POLN: variants seen among roughly 807,000 people sequenced by gnomAD.
POLN encodes the protein DNA polymerase N.
In POLN, 108 loss-of-function variants were observed where a neutral mutation model predicts 113.5. The ratio of observed to expected loss-of-function variants is 0.95; its 90% CI spans 0.81 to 1.12. The LOEUF is 1.12. POLN is among the 50% of genes most tolerant of loss of function. The pLI is 0.00. For synonymous variants in POLN, 386 were observed against 391.5 expected, an observed-to-expected ratio of 0.99 and a Z score of 0.17; for missense variants, 1,097 against 1,077.1, an observed-to-expected ratio of 1.02 and a Z score of -0.26.
intron 19 of POLN, among the ~76,000 whole-genome samples, chr4:2,124,124 G>A (rs894969807): frequency 6.6e-6 from 1 of 152,166 alleles, no homozygotes; most frequent in Non-Finnish European, 1.5e-5. Context: ...TTTCATTAAT[G>A]TGAAGTGTCC....
chr4:2,176,170 TTCCTTCACATTCAAACTCCCTGG>T, intron 9 of POLN, 73 bp downstream of exon 9: 6 of 960,550 alleles, frequency 6.2e-6, no homozygotes. Flanking sequence ...AACGTTTCGT[TTCCTTCACATTCAAACTCCCTGG>T]GAGTGCGGGT....
At chr4:2,103,441 C>G (rs1007510449) in intron 19 of POLN, among the ~76,000 whole-genome samples, 1 of 152,008 alleles carries the variant, frequency 6.6e-6, no homozygotes, top group South Asian at 2.1e-4. Context: ...ATGAACAAAG[C>G]CTTTGAGATG....
chr4:2,239,691 A>G (rs1300694648), intron 2 of POLN, among the ~76,000 whole-genome samples: 1 of 152,236 alleles, frequency 6.6e-6, no homozygotes, highest in East Asian at 1.9e-4. Flanking sequence ...GAGGCAGAAT[A>G]CCCATAATAA....
intron 16 of POLN, among the ~76,000 whole-genome samples, chr4:2,151,660 A>C (rs1219023687): frequency 6.6e-6 from 1 of 152,234 alleles, no homozygotes; most frequent in Non-Finnish European, 1.5e-5. Flanking sequence ...CTACTGAAAC[A>C]CAGAGCAACG....
At chr4:2,241,019 C>G (rs1475742655) in intron 2 of POLN, 2 of 1,193,198 alleles carry the variant, frequency 1.7e-6, no homozygotes, top group Non-Finnish European at 2.4e-6. Context: ...TAAATCCAAG[C>G]AGAAAAAAAG....
chr4:2,156,611 C>CCCA (rs1263884505), intron 16 of POLN, 177 bp downstream of exon 16: 2 of 665,702 alleles, frequency 3.0e-6, no homozygotes, highest in African/African-American at 3.7e-5. Context: ...GAGAAGAGAA[C>CCCA]CCATCTGTCT....
chr4:2,131,368 A>G (rs1416752472), intron 16 of POLN, 78 bp from the exon 17 acceptor site: 1 of 943,614 alleles, frequency 1.1e-6, no homozygotes, highest in Non-Finnish European at 1.6e-6. Flanking sequence ...AATGTACATC[A>G]CATTTTATTA....
rs78809005 is a variant in POLN at position 2,119,426 on chromosome 4, C to T, written c.1982+8687G>A. Among the ~76,000 whole-genome samples the T allele has an allele frequency of 3.7e-4, 56 of 151,342 alleles. 2 individuals are homozygous for T. In the South Asian group the frequency reaches 7.3e-3, roughly 20 times the overall value. On this transcript the variant is annotated intron_variant, in intron 19 of 25. Transcript: ENST00000511885. ...GTGTGTGTGTGCATGTGTGTGCACA[C>T]GTGTGTGTGTGAAGCTGCTGGAGCT...
chr4:2,210,628 AAT>A (rs1258420579), intron 4 of POLN, among the ~76,000 whole-genome samples: 420 of 97,516 alleles, frequency 4.3e-3, no homozygotes, highest in Admixed American at 9.6e-3. Context: ...TAATAATAAT[AAT>A]AAAAAAAAGA....
intron 3 of POLN, chr4:2,228,581 C>T (rs868449641): frequency 6.0e-5 from 10 of 167,862 alleles, no homozygotes; most frequent in African/African-American, 2.2e-4. Flanking sequence ...TCATGATCGC[C>T]GACCTCGGCC....
intron 16 of POLN, among the ~76,000 whole-genome samples, chr4:2,135,791 G>A (rs1731842287): frequency 6.6e-6 from 1 of 152,228 alleles, no homozygotes; most frequent in Admixed American, 6.5e-5. Context: ...GAGCATCGAA[G>A]TCAGACATCA....
intron 16 of POLN, among the ~76,000 whole-genome samples, chr4:2,153,275 CATA>C (rs1393511349): frequency 1.3e-5 from 2 of 152,164 alleles, no homozygotes; most frequent in African/African-American, 4.8e-5. Flanking sequence ...TATGAGATTG[CATA>C]ATAAGTCAGA....
At position 2,208,195 on chromosome 4, in the gene POLN, C is replaced by T. The variant is rs139076937; in HGVS notation, c.506G>A (p.Ser169Asn). Residue 169 changes from serine (S) to asparagine (N), a missense_variant, in exon 5 of 26, where the codon AGT (serine) becomes AAT (asparagine). Transcript: ENST00000511885. ...ITYNNLSEKT[S>N]KQMALEEDTD... Reference sequence around the variant, plus strand: ...ATCTTCTTCCAATGCCATTTGTTTACTTGTTTTCTCTGACAAATTATTATA... The same window carrying T: ...ATCTTCTTCCAATGCCATTTGTTTATTTGTTTTCTCTGACAAATTATTATA... The T allele has an allele frequency of 6.3e-5, 102 of 1,607,848 alleles. 1 individual carries two copies. In the East Asian group the frequency reaches 1.2e-3, roughly 18 times the overall value.
At chr4:2,123,792 G>A (rs73079275) in intron 19 of POLN, among the ~76,000 whole-genome samples, 7,553 of 151,750 alleles carry the variant, frequency 0.05, 671 homozygotes, top group African/African-American at 0.17. Context: ...GGGACAGAGT[G>A]TAACCTTGTC....
At chr4:2,239,245 G>A (rs1325902046) in intron 2 of POLN, among the ~76,000 whole-genome samples, 9 of 152,124 alleles carry the variant, frequency 5.9e-5, no homozygotes, top group Non-Finnish European at 1.0e-4. Flanking sequence ...AAATTTTACT[G>A]CTATTACTAC....
chr4:2,096,008 AC>A, intron 19 of POLN, 75 bp from the exon 20 acceptor site: 1 of 1,206,454 alleles, frequency 8.3e-7, no homozygotes, highest in Non-Finnish European at 1.2e-6. Context: ...CCAACCACAC[AC>A]CCCACCACTG....
Position 2,131,250 on chromosome 4 carries a change from G to C in POLN, c.1772C>G (p.Thr591Arg). The C allele has an allele frequency of 6.3e-7, 1 of 1,591,772 alleles. No individual in the cohort carries two copies. Among genetic ancestry groups the C allele is most frequent in the Non-Finnish European group, 8.6e-7 (1 of 1,161,168 alleles). Residue 591 changes from threonine (T) to arginine (R), a missense_variant, in exon 17 of 26, where the codon ACA (threonine) becomes AGA (arginine). Coordinates refer to ENST00000511885, the MANE Select transcript of POLN (RefSeq NM_181808.4). ...TGAGTTACCTTTAAAATTCTTAGGTGTAGTAATCTGAATTGGGTGCTTGGA... is the reference window on the plus strand; with the variant it reads ...TGAGTTACCTTTAAAATTCTTAGGTCTAGTAATCTGAATTGGGTGCTTGGA... ...GISKHPIQIT[T>R]PKNFKGKEDK... is the part of the protein sequence containing the mutation.
At position 2,105,235 on chromosome 4, in the gene POLN, C is replaced by A. The variant is rs145959657; in HGVS notation, c.1983-9302G>T. Among the ~76,000 whole-genome samples, 970 of 152,314 alleles carry A rather than the reference C, an allele frequency of 6.4e-3. 5 individuals are homozygous for A. Among genetic ancestry groups the A allele is most frequent in the Middle Eastern group, 0.017 (5 of 294 alleles). ...TCTAGTCCATCTCCAAACCTCATCACTTCCACCTCCTAATATCGCTGGAGT... is the reference window on the plus strand; with the variant it reads ...TCTAGTCCATCTCCAAACCTCATCAATTCCACCTCCTAATATCGCTGGAGT... On this transcript the variant is annotated intron_variant, in intron 19 of 25. Coordinates refer to ENST00000511885, the MANE Select transcript of POLN (RefSeq NM_181808.4).
At chr4:2,221,635 G>T (rs1734255528) in intron 3 of POLN, among the ~76,000 whole-genome samples, 1 of 152,166 alleles carries the variant, frequency 6.6e-6, no homozygotes. Flanking sequence ...GGAGTGCAGT[G>T]GTGTGATCTT....
Sources: allele counts gnomAD v4.1 joint callset (sites outside exome capture counted in the v4.1 genomes callset), GRCh38; gene constraint gnomAD v4.1.1; transcripts MANE v1.5; gene names NCBI Gene and HGNC (gene_info 2026-07-23, HGNC 2026-07-21).